Variants in CYP4F12 observed in about 807,000 individuals in gnomAD.
CYP4F12 encodes the protein cytochrome P450 family 4 subfamily F member 12.
CYP4F12 carries 60 observed loss-of-function variants against 56.5 expected under a neutral mutation model. The observed-to-expected ratio is 1.06, with a 90% confidence interval of 0.86 to 1.32. CYP4F12 has a LOEUF of 1.32. Ranked by LOEUF, CYP4F12 falls within the 40% of genes most tolerant of loss-of-function variation. CYP4F12 has a pLI of 0.00. For synonymous variants in CYP4F12, 263 were observed against 264.9 expected (o/e 0.99, Z 0.07); for missense variants, 711 against 683.5 (o/e 1.04, Z -0.45).
chr19:15,692,469 T>A (rs2007915336), intron 9 of CYP4F12, among the ~76,000 whole-genome samples: 2 of 152,166 alleles, frequency 1.3e-5, no homozygotes, highest in Admixed American at 6.5e-5. Flanking sequence ...AACTAATGAT[T>A]TATGCATATA....
chr19:15,690,113 A>G (rs1436654958), intron 9 of CYP4F12, among the ~76,000 whole-genome samples: 2 of 152,180 alleles, frequency 1.3e-5, no homozygotes, highest in African/African-American at 4.8e-5. Context: ...AAAAGGAAGT[A>G]AAGAAGAGAC....
intron 9 of CYP4F12, among the ~76,000 whole-genome samples, chr19:15,693,081 C>CG (rs1695811459): frequency 6.6e-6 from 1 of 151,836 alleles, no homozygotes; most frequent in Non-Finnish European, 1.5e-5. Flanking sequence ...TCCCTCCCCC[C>CG]ATCAAAAAAG....
intron 2 of CYP4F12, among the ~76,000 whole-genome samples, chr19:15,674,037 AC>A: frequency 1.5e-5 from 1 of 67,634 alleles, no homozygotes; most frequent in African/African-American, 5.2e-5. Context: ...CCACTCACTC[AC>A]TCCTCTCCTC....
At chr19:15,677,231 T>A (rs183490030) in intron 2 of CYP4F12, among the ~76,000 whole-genome samples, 1 of 114,512 alleles carries the variant, frequency 8.7e-6, no homozygotes, top group Non-Finnish European at 1.8e-5. Flanking sequence ...CTCTACCCAT[T>A]CACTCATTCC....
intron 9 of CYP4F12, among the ~76,000 whole-genome samples, chr19:15,685,960 C>A (rs1324600187): frequency 1.4e-5 from 2 of 147,698 alleles, no homozygotes; most frequent in Non-Finnish European, 3.0e-5. Flanking sequence ...CAAACTCTTC[C>A]ACATGCCTTT....
At position 15,678,420 on chromosome 19, in the gene CYP4F12, C is replaced by A; in HGVS notation, c.343+15C>A. The A allele has an allele frequency of 6.2e-7, 1 of 1,613,964 alleles. No individual in the cohort carries two copies. The highest frequency in any genetic ancestry group is 8.5e-7 in the Non-Finnish European group (1 of 1,179,878). The stretch of plus-strand genomic sequence containing the variant: ...CAATGCCTCAGGTACCCATGCAGAG[C>A]TTGTGGTGGTGGGTGCCAGACCAAG... On this transcript the variant is annotated intron_variant, in intron 3 of 12. Transcript: ENST00000550308.
chr19:15,693,016 T>C (rs2007944827), intron 9 of CYP4F12, among the ~76,000 whole-genome samples: 1 of 152,176 alleles, frequency 6.6e-6, no homozygotes, highest in Admixed American at 6.5e-5. Flanking sequence ...AGGTGGAGGT[T>C]GCAGTGAGAC....
At position 15,697,111 on chromosome 19, in the gene CYP4F12, T is replaced by G. The variant is rs201759981; in HGVS notation, c.*26T>G. The G allele has an allele frequency of 8.8e-5, 140 of 1,599,024 alleles. No homozygotes were observed. In the African/African-American group the frequency reaches 1.8e-3, roughly 20 times the overall value. The stretch of plus-strand genomic sequence containing the variant: ...CTTTCTGACCCATCCACCTGTTTTT[T>G]TGCAGATTGTCATGAATAAAACGGT... On this transcript the variant is annotated 3_prime_UTR_variant, in exon 13 of 13. Coordinates refer to ENST00000550308, the MANE Select transcript of CYP4F12 (RefSeq NM_023944.4).
At chr19:15,673,769 T>C (rs1172523123) in intron 2 of CYP4F12, 42 bp downstream of exon 2, 3 of 1,606,270 alleles carry the variant, frequency 1.9e-6, no homozygotes, top group Non-Finnish European at 2.6e-6. Flanking sequence ...TCAGGGTGGA[T>C]GGACTTCCAG....
In CYP4F12 at chr19:15,686,701, A is replaced by G. The variant is rs867731511; in HGVS notation, c.1115+1504A>G. Among the ~76,000 whole-genome samples, 707 of 151,648 alleles carry G rather than the reference A, an allele frequency of 4.7e-3. 6 individuals carry two copies. Among genetic ancestry groups the G allele is most frequent in the African/African-American group, 0.016 (673 of 40,980 alleles). On this transcript the variant is annotated intron_variant, in intron 9 of 12. Transcript: ENST00000550308. ...GCCATAACAAGTGGTTGAGCAGGGG[A>G]GGGGCAGGTCATATCTGGGCACCAG...
At chr19:15,681,822 A>G (rs1055854975) in intron 5 of CYP4F12, 3 of 152,596 alleles carry the variant, frequency 2.0e-5, no homozygotes, top group African/African-American at 4.8e-5. Context: ...TTTGAAATGA[A>G]TTTATTACAA....
chr19:15,690,646 T>A (rs1445725834), intron 9 of CYP4F12, among the ~76,000 whole-genome samples: 2 of 152,234 alleles, frequency 1.3e-5, no homozygotes, highest in Non-Finnish European at 2.9e-5. Context: ...TTGCCACAAA[T>A]GAAAGAATTT....
chr19:15,687,906 T>A (rs1166876642), intron 9 of CYP4F12, among the ~76,000 whole-genome samples: 1 of 152,080 alleles, frequency 6.6e-6, no homozygotes, highest in Non-Finnish European at 1.5e-5. Flanking sequence ...TCAGGTGAGG[T>A]CACAGGTTGA....
chr19:15,688,502 G>T (rs147034757), intron 9 of CYP4F12, among the ~76,000 whole-genome samples: 267 of 152,240 alleles, frequency 1.8e-3, no homozygotes, highest in African/African-American at 6.0e-3. Flanking sequence ...TCATGGATTG[G>T]AAGAATCAAT....
Position 15,684,823 on chromosome 19 carries a change from A to T in CYP4F12, c.926A>T (p.Asp309Val). 6.2e-7 allele frequency: 1 copy of T among 1,608,134 alleles called. No individual in the cohort carries two copies. The highest frequency in any genetic ancestry group is 8.5e-7 in the Non-Finnish European group (1 of 1,178,172). Residue 309 changes from aspartate (D) to valine (V), a missense_variant, in exon 8 of 13, where the codon GAT (aspartate) becomes GTT (valine). Asp to Val is a radical substitution (Grantham distance 152, BLOSUM62 -3). Coordinates refer to ENST00000550308, the MANE Select transcript of CYP4F12 (RefSeq NM_023944.4). ...GTCTTGCTTTCTCTTCAGGATGAAG[A>T]TGGGAAGGCATTGTCAGATGAGGAT... ...IDVLLLSKDE[D>V]GKALSDEDIR...
In CYP4F12 at chr19:15,696,932, C is replaced by G. The variant is rs1045323117; in HGVS notation, c.1422C>G (p.Ala474=). ...GPRNCIGQAF[A]MAEMKVVLAL... ...GGAACTGCATCGGGCAGGCGTTCGC[C>G]ATGGCGGAGATGAAAGTGGTCCTGG... The change falls in exon 13 of 13, where the codon GCC becomes GCG. Residue 474 remains alanine (A), a synonymous_variant. Transcript: ENST00000550308. The G allele has an allele frequency of 3.1e-6, 5 of 1,613,832 alleles. No individual in the cohort carries two copies. Among genetic ancestry groups the G allele is most frequent in the Non-Finnish European group, 4.2e-6 (5 of 1,179,920 alleles).
At chr19:15,682,042 C>T (rs944017151) in intron 5 of CYP4F12, 23 of 214,916 alleles carry the variant, frequency 1.1e-4, no homozygotes, top group Admixed American at 1.6e-4. Context: ...ACTGGTGGAG[C>T]AGAGATTCTA....
chr19:15,673,791 TG>T, intron 2 of CYP4F12, 64 bp downstream of exon 2: 1 of 1,578,282 alleles, frequency 6.3e-7, no homozygotes, highest in South Asian at 1.1e-5. Flanking sequence ...GGAGCAGGAA[TG>T]GGGCTCAGTG....
At chr19:15,682,555 G>A (rs2007365184) in intron 6 of CYP4F12, 45 bp downstream of exon 6, 4 of 1,608,834 alleles carry the variant, frequency 2.5e-6, no homozygotes, top group Admixed American at 1.7e-5. Context: ...ATGGACCAAA[G>A]GGAGAAAGTT....
Sources: gnomAD v4.1 joint callset for allele counts (sites outside exome capture counted in the v4.1 genomes callset) on GRCh38, gnomAD v4.1.1 for gene constraint, MANE v1.5 for transcripts, NCBI Gene and HGNC (gene_info 2026-07-23, HGNC 2026-07-21) for gene names.